Variants in ERLIN2 observed in about 807,000 individuals in gnomAD.
ERLIN2 encodes the protein erlin-2.
In ERLIN2, 22 loss-of-function variants were observed where a neutral mutation model predicts 41.5. The ratio of observed to expected loss-of-function variants is 0.53; its 90% CI spans 0.38 to 0.76. The LOEUF (loss-of-function observed/expected upper bound fraction) is 0.76. Ranked by LOEUF, ERLIN2 falls within the 30% of genes least tolerant of loss-of-function variation. ERLIN2 has a pLI of 0.00. For synonymous variants in ERLIN2, 149 were observed against 150.9 expected (o/e 0.99, Z 0.09); for missense variants, 247 against 414.3 (o/e 0.60, Z 3.51).
rs1203884699 is a variant in ERLIN2 at position 37,757,815 on chromosome 8, C to T, written c.*3700C>T. On this transcript the variant is annotated 3_prime_UTR_variant, in exon 12 of 12. Coordinates refer to ENST00000519638, the MANE Select transcript of ERLIN2 (RefSeq NM_007175.8). ...CCATTATCGATACAGAATTTGTGAACGTGGCATAATTCTTGGTAGGTGCTA... is the reference window on the plus strand; with the variant it reads ...CCATTATCGATACAGAATTTGTGAATGTGGCATAATTCTTGGTAGGTGCTA... The T allele has an allele frequency of 6.6e-6, 1 of 152,150 alleles. No individual in the cohort carries two copies. Among genetic ancestry groups the T allele is most frequent in the Non-Finnish European group, 1.5e-5 (1 of 68,028 alleles). The allele number at this position is 152,150 out of a possible 1,614,324, so 9.4% of individuals were successfully genotyped here.
chr8:37,736,705 C>A (rs1473107065), intron 1 of ERLIN2, 27 bp downstream of exon 1: 9 of 985,528 alleles, frequency 9.1e-6, no homozygotes, highest in Non-Finnish European at 1.1e-5. Flanking sequence ...CCTTCGTGCG[C>A]GCGCTGGGCC....
At chr8:37,747,738 G>A (rs1337042729) in intron 6 of ERLIN2, 1 of 1,591,614 alleles carries the variant, frequency 6.3e-7, no homozygotes, top group East Asian at 2.2e-5. Context: ...ATTTCTTTCT[G>A]TACTGTAGTT....
chr8:37,742,780 C>T (rs1267022115), intron 4 of ERLIN2, among the ~76,000 whole-genome samples: 2 of 152,116 alleles, frequency 1.3e-5, no homozygotes, highest in Admixed American at 6.5e-5. Context: ...ATGTAACAAA[C>T]CTGCACATCC....
In ERLIN2 at chr8:37,756,330, CCTT is replaced by C. The variant is rs1215774325; in HGVS notation, c.*2218_*2220del. ...ATCCCACTTCCCGAAAATGTCTACT[CCTT>C]CTACTCTGAGCTCTTGTTGCCTAGA... On this transcript the variant is annotated 3_prime_UTR_variant, in exon 12 of 12. Coordinates refer to ENST00000519638, the MANE Select transcript of ERLIN2 (RefSeq NM_007175.8). 7 of 152,306 alleles carry C rather than the reference CCTT, an allele frequency of 4.6e-5. No homozygotes were observed. The highest frequency in any genetic ancestry group is 1.9e-4 in the East Asian group (1 of 5,200). The allele number at this position is 152,306 out of a possible 1,614,324, so 9.4% of individuals were successfully genotyped here.
chr8:37,740,260 A>G (rs1415322323), intron 2 of ERLIN2, 105 bp from the exon 3 acceptor site: 3 of 780,990 alleles, frequency 3.8e-6, no homozygotes, highest in Non-Finnish European at 6.9e-6. Context: ...GTCACTCTCT[A>G]TTATATGTTT....
In ERLIN2 at chr8:37,755,944, C is replaced by T. The variant is rs977842183; in HGVS notation, c.*1829C>T. The stretch of plus-strand genomic sequence containing the variant: ...GTGGCTCACACCTGTAATCCCAGCA[C>T]TTTGGGAGGCCAAGGCAGGCGGATC... On this transcript the variant is annotated 3_prime_UTR_variant, in exon 12 of 12. Coordinates refer to ENST00000519638, the MANE Select transcript of ERLIN2 (RefSeq NM_007175.8). 2 of 152,252 alleles carry T rather than the reference C, an allele frequency of 1.3e-5. No homozygotes were observed. The highest frequency in any genetic ancestry group is 4.8e-5 in the African/African-American group (2 of 41,398). The allele number at this position is 152,252 out of a possible 1,614,324, so 9.4% of individuals were successfully genotyped here.
At chr8:37,748,438 G>A (rs1176607054) in intron 6 of ERLIN2, among the ~76,000 whole-genome samples, 1 of 152,188 alleles carries the variant, frequency 6.6e-6, no homozygotes, top group Non-Finnish European at 1.5e-5. Flanking sequence ...AGGCTTGTGA[G>A]AGCACATCCT....
chr8:37,736,966 G>T, intron 1 of ERLIN2: 1 of 986,026 alleles, frequency 1.0e-6, no homozygotes, highest in Non-Finnish European at 1.2e-6. Flanking sequence ...GGCACTGGCA[G>T]GAAAGGACGC....
intron 11 of ERLIN2, 45 bp downstream of exon 11, chr8:37,753,574 G>A: frequency 6.4e-7 from 1 of 1,558,266 alleles, no homozygotes; most frequent in African/African-American, 1.4e-5. Flanking sequence ...TTTGGGTCTG[G>A]GTCTGTATTG....
chr8:37,744,668 G>C lies in ERLIN2; in HGVS notation c.396G>C (p.Thr132=), dbSNP rs762587770. 1 of 1,614,004 alleles carries C rather than the reference G, an allele frequency of 6.2e-7. No homozygotes were observed. The highest frequency in any genetic ancestry group is 2.2e-5 in the East Asian group (1 of 44,896). The change falls in exon 6 of 12, where the codon ACG becomes ACC. Residue 132 remains threonine (T), a synonymous_variant. Transcript: ENST00000519638. ...TGAACCAGTTCTGCAGTGTGCACAC[G>C]CTTCAAGAGGTCTACATTGAGCTGT... The part of the protein sequence containing the change: ...HELNQFCSVH[T]LQEVYIELFD...
intron 6 of ERLIN2, chr8:37,745,787 A>G (rs1179477779): frequency 6.9e-7 from 1 of 1,442,122 alleles, no homozygotes; most frequent in Non-Finnish European, 9.1e-7. Context: ...GTAGTCTTTT[A>G]TCTGTTTTGG....
At position 37,754,054 on chromosome 8, in the gene ERLIN2, C is replaced by T; in HGVS notation, c.959C>T (p.Ala320Val). 1.2e-6 allele frequency: 2 copies of T among 1,614,120 alleles called. No individual in the cohort carries two copies. Among genetic ancestry groups the T allele is most frequent in the South Asian group, 1.1e-5 (1 of 91,068 alleles). ...GSVSKQFEGL[A>V]DKLSFGLEDE... Reference sequence around the variant, plus strand: ...GTGAGCAAGCAGTTTGAGGGGCTAGCTGACAAGCTAAGCTTTGGCTTAGAA... The same window carrying T: ...GTGAGCAAGCAGTTTGAGGGGCTAGTTGACAAGCTAAGCTTTGGCTTAGAA... The change falls in exon 12 of 12, where the codon GCT becomes GTT. Residue 320 changes from alanine to valine, a missense_variant. Around this residue, in one of 3 missense-constraint regions of ERLIN2, gnomAD observed 153 missense variants for 256.4 expected, o/e 0.60. Transcript: ENST00000519638.
chr8:37,737,804 T>TA, intron 1 of ERLIN2, 104 bp from the exon 2 acceptor site: 1 of 1,358,576 alleles, frequency 7.4e-7, no homozygotes, highest in South Asian at 1.2e-5. Context: ...CCAGGCTGGA[T>TA]ATGAGTCACT....
chr8:37,744,336 T>C lies in ERLIN2; in HGVS notation c.237-19T>C. On this transcript the variant is annotated intron_variant, in intron 4 of 11. Transcript: ENST00000519638. ...TCTAAGGCTTCCCAGTGACTTCTTG[T>C]CCATTCTCCCTCCAATAGTGGTGGT... 1 of 1,609,382 alleles carries C rather than the reference T, an allele frequency of 6.2e-7. No homozygotes were observed. The highest frequency in any genetic ancestry group is 8.5e-7 in the Non-Finnish European group (1 of 1,175,616).
At chr8:37,742,666 T>A (rs1228306270) in intron 4 of ERLIN2, among the ~76,000 whole-genome samples, 4 of 150,258 alleles carry the variant, frequency 2.7e-5, no homozygotes, top group African/African-American at 9.8e-5. Context: ...GGATAGGGGG[T>A]GGGGAGAGGG....
intron 2 of ERLIN2, among the ~76,000 whole-genome samples, chr8:37,738,845 A>G (rs1802751998): frequency 6.6e-6 from 1 of 152,166 alleles, no homozygotes; most frequent in African/African-American, 2.4e-5. Flanking sequence ...TGATCACACC[A>G]CTGCACTCCA....
intron 6 of ERLIN2, chr8:37,745,184 A>G: frequency 2.1e-6 from 1 of 471,082 alleles, no homozygotes; most frequent in Non-Finnish European, 3.7e-6. Flanking sequence ...TCACCATGCA[A>G]CACTGAATGG....
At chr8:37,737,640 G>C in intron 1 of ERLIN2, 1 of 465,238 alleles carries the variant, frequency 2.1e-6, no homozygotes. Context: ...ACCCTACCCA[G>C]CTGGCACGGG....
intron 10 of ERLIN2, 99 bp downstream of exon 10, chr8:37,751,814 G>A: frequency 1.1e-6 from 1 of 883,696 alleles, no homozygotes; most frequent in South Asian, 1.4e-5. Context: ...CTGTGCTCAA[G>A]GATGTCATGA....
Sources: gnomAD v4.1 joint callset for allele counts (sites outside exome capture counted in the v4.1 genomes callset) on GRCh38, gnomAD v4.1.1 for gene constraint, gnomAD v4.1.1 regional missense constraint, MANE v1.5 for transcripts, NCBI Gene and HGNC (gene_info 2026-07-23, HGNC 2026-07-21) for gene names.